Variants in GSTT4 observed in about 807,000 individuals in gnomAD.
The protein encoded by GSTT4 is glutathione S-transferase theta 4, also known as glutathione S-transferase theta-4.
Position 24,003,780 on chromosome 22 carries a change from C to G in GSTT4, c.180G>C (p.Gly60=), listed in dbSNP as rs1270217111. Residue 60 remains glycine, a synonymous_variant, in exon 2 of 5, where the codon GGG becomes GGC. Coordinates refer to ENST00000621179, the MANE Select transcript of GSTT4 (RefSeq NM_001358664.2). ...PLRKLPSLKD[G]KFILSESAAI... ...CTTACCTTTCACTTAAGATAAATTT[C>G]CCATCTTTGAGGCTGGGCAGCTTCC... The G allele has an allele frequency of 1.3e-5, 2 of 155,828 alleles. No homozygotes were observed. The highest frequency in any genetic ancestry group is 1.9e-4 in the East Asian group (1 of 5,208). The allele number at this position is 155,828 out of a possible 1,614,324, so 9.7% of individuals were successfully genotyped here. A position where few individuals can be genotyped will look rare whatever the true frequency, so the allele number is the denominator to read the frequency against.
In GSTT4 at chr22:23,999,554, G is replaced by A. The variant is rs572588863; in HGVS notation, c.528+521C>T. 1.3e-4 allele frequency among the ~76,000 whole-genome samples: 15 copies of A among 111,222 alleles called. No homozygotes were observed. In the East Asian group the frequency reaches 3.3e-3, roughly 24 times the overall value. The allele number at this position is 111,222 out of a possible 152,430, so 73.0% of individuals were successfully genotyped here. A position where few individuals can be genotyped will look rare whatever the true frequency, so the allele number is the denominator to read the frequency against. ...GAGACCCTGGCCAGTGTCTTGACAAGCAGAACTGGTCACCCTCCCCTGCAT... is the reference window on the plus strand; with the variant it reads ...GAGACCCTGGCCAGTGTCTTGACAAACAGAACTGGTCACCCTCCCCTGCAT... On this transcript the variant is annotated intron_variant, in intron 4 of 4. Transcript: ENST00000621179.
At chr22:23,995,627 T>C (rs559094185), downstream of GSTT4, among the ~76,000 whole-genome samples, 1 of 152,306 alleles carries the variant, frequency 6.6e-6, no homozygotes, top group East Asian at 1.9e-4. Context: ...GGCATGTCCA[T>C]GTCTATGTTG....
At chr22:23,999,855 T>C (rs1467674630) in intron 4 of GSTT4, among the ~76,000 whole-genome samples, 115 of 152,048 alleles carry the variant, frequency 7.6e-4, no homozygotes, top group Non-Finnish European at 8.5e-4. Context: ...GAAGAATCTT[T>C]GTCAAGTGTG....
chr22:24,003,140 C>CTTTTTT (rs1032425765), intron 2 of GSTT4, among the ~76,000 whole-genome samples: 1 of 140,374 alleles, frequency 7.1e-6, no homozygotes, highest in African/African-American at 2.6e-5. Flanking sequence ...CAGCCTGTTG[C>CTTTTTT]TTTTTTTTTG....
At chr22:23,991,297 T>C in the GSTT4 span, 2,659 of 99,610 alleles carry the variant, frequency 0.027, 395 homozygotes, top group African/African-American at 0.076. Context: ...AGGCAGGGAT[T>C]CGTGGCCAAT....
chr22:23,990,453 C>CAAAAAAAAAAAAAAAAAAAAA, the GSTT4 span, among the ~76,000 whole-genome samples: 1 of 29,996 alleles, frequency 3.3e-5, no homozygotes, highest in Non-Finnish European at 5.8e-5. Flanking sequence ...CTACACACAC[C>CAAAAAAAAAAAAAAAAAAAAA]AAAAAAAAAA....
At chr22:23,997,564 T>C (rs868494787), downstream of GSTT4, among the ~76,000 whole-genome samples, 15 of 152,118 alleles carry the variant, frequency 9.9e-5, no homozygotes, top group Admixed American at 7.9e-4. Context: ...CTTATTTTTT[T>C]CACTTGGCTA....
At chr22:24,003,537 T>A (rs537965024) in intron 2 of GSTT4, among the ~76,000 whole-genome samples, 26 of 152,394 alleles carry the variant, frequency 1.7e-4, no homozygotes, top group African/African-American at 6.3e-4. Context: ...TGATGGGGTG[T>A]CTGGGAGGCA....
At chr22:23,989,911 C>A in the GSTT4 span, among the ~76,000 whole-genome samples, 14 of 151,102 alleles carry the variant, frequency 9.3e-5, 2 homozygotes, top group Non-Finnish European at 2.1e-4. Context: ...CACACCCCTG[C>A]CCATTCTCCC....
At chr22:24,000,011 C>T (rs2034190813) in intron 4 of GSTT4, 64 bp downstream of exon 4, 1 of 155,326 alleles carries the variant, frequency 6.4e-6, no homozygotes, top group Non-Finnish European at 1.5e-5. Context: ...AGTGATGGCC[C>T]CATTGGTCAC....
downstream of GSTT4, among the ~76,000 whole-genome samples, chr22:23,994,799 T>A (rs927866242): frequency 5.3e-5 from 8 of 152,100 alleles, no homozygotes; most frequent in Non-Finnish European, 1.0e-4. Context: ...ACTTTTCTAG[T>A]TTTAGGAAGG....
chr22:23,995,139 T>G (rs1270778175), downstream of GSTT4, among the ~76,000 whole-genome samples: 1 of 144,156 alleles, frequency 6.9e-6, no homozygotes, highest in Middle Eastern at 3.4e-3. Context: ...TTTTGTTTGT[T>G]TGTTTTTTTT....
At chr22:23,994,676 T>A (rs1182694902), downstream of GSTT4, among the ~76,000 whole-genome samples, 1 of 151,098 alleles carries the variant, frequency 6.6e-6, no homozygotes, top group African/African-American at 2.4e-5. Flanking sequence ...ACTTCTCTAC[T>A]GTGCTTATTG....
intron 1 of GSTT4, 103 bp from the exon 2 acceptor site, chr22:24,003,950 GGA>G (rs2034294962): frequency 2.0e-5 from 3 of 153,344 alleles, no homozygotes; most frequent in Non-Finnish European, 2.9e-5. Flanking sequence ...TCAAGAAGAG[GGA>G]ACTGAGGCCC....
At chr22:24,003,378 T>G (rs1270981702) in intron 2 of GSTT4, among the ~76,000 whole-genome samples, 1 of 152,180 alleles carries the variant, frequency 6.6e-6, no homozygotes, top group Non-Finnish European at 1.5e-5. Context: ...GCTGGCTAAT[T>G]TTTGTATTTT....
At chr22:23,990,485 G>A in the GSTT4 span, among the ~76,000 whole-genome samples, 1 of 68,292 alleles carries the variant, frequency 1.5e-5, no homozygotes, top group East Asian at 3.6e-4. Flanking sequence ...AGCTGGGCAC[G>A]GGGACGTGCC....
rs1601579395 is a variant in GSTT4, at chr22:24,004,309, T to A, written c.113-462A>T. 2.0e-5 allele frequency: 3 copies of A among 152,932 alleles called. No homozygotes were observed. The South Asian group carries it at 6.2e-4, about 32-fold the overall frequency. The allele number at this position is 152,932 out of a possible 1,614,324, so 9.5% of individuals were successfully genotyped here. On this transcript the variant is annotated intron_variant, in intron 1 of 4. Transcript: ENST00000621179. ...AGCTTCTCGGACACAATCAGGGTCA[T>A]CTTAACAGGGAACCTGAGGTGGGGG...
chr22:24,003,658 G>T (rs1385450805), intron 2 of GSTT4, 102 bp downstream of exon 2: 1 of 154,858 alleles, frequency 6.5e-6, no homozygotes, highest in Non-Finnish European at 1.5e-5. Context: ...CTCTCCTTTA[G>T]TGCACGTGTG....
chr22:23,994,979 A>G (rs2146222034), downstream of GSTT4, among the ~76,000 whole-genome samples: 1 of 152,302 alleles, frequency 6.6e-6, no homozygotes, highest in Non-Finnish European at 1.5e-5. Context: ...GTTAGTTATC[A>G]GATAGATTTG....
Sources: allele counts gnomAD v4.1 joint callset (sites outside exome capture counted in the v4.1 genomes callset), GRCh38; gene constraint gnomAD v4.1.1; transcripts MANE v1.5; gene names NCBI Gene and HGNC (gene_info 2026-07-23, HGNC 2026-07-21).